Variants in MDGA2 observed in about 807,000 individuals in gnomAD.
The protein encoded by MDGA2 is MAM domain containing glycosylphosphatidylinositol anchor 2.
A neutral mutation model predicts 117.8 loss-of-function variants in MDGA2; 40 were observed. The ratio of observed to expected loss-of-function variants is 0.34; its 90% CI spans 0.26 to 0.44. MDGA2 has a LOEUF of 0.44. Among genes scored for constraint, MDGA2 ranks in the 20% least tolerant of loss-of-function variants. The probability of loss-of-function intolerance (pLI) is 1.00; values close to 1 mark genes in which losing one functional copy is unlikely to be tolerated. For missense variants in MDGA2, 1,123 were observed against 1,250.6 expected (o/e 0.90, Z 1.54); for synonymous variants, 452 against 439.0 (o/e 1.03, Z -0.37).
intron 5 of MDGA2, among the ~76,000 whole-genome samples, chr14:47,116,039 A>T (rs1464452245): frequency 6.6e-6 from 1 of 151,990 alleles, no homozygotes; most frequent in Non-Finnish European, 1.5e-5. Flanking sequence ...AAGCCCTAAA[A>T]ACTCTATGAA....
chr14:46,940,745 A>T (rs1279695220), intron 9 of MDGA2, among the ~76,000 whole-genome samples: 1 of 151,988 alleles, frequency 6.6e-6, no homozygotes, highest in Non-Finnish European at 1.5e-5. Flanking sequence ...TGATCCAGCG[A>T]CTCCCAGGCT....
At chr14:47,214,746 A>C (rs1886021721) in intron 3 of MDGA2, among the ~76,000 whole-genome samples, 1 of 152,088 alleles carries the variant, frequency 6.6e-6, no homozygotes, top group Non-Finnish European at 1.5e-5. Context: ...TTAGCACATA[A>C]TTTTATTTTA....
chr14:47,275,100 T>C (rs558166339), intron 2 of MDGA2, among the ~76,000 whole-genome samples: 69 of 152,328 alleles, frequency 4.5e-4, no homozygotes, highest in African/African-American at 1.6e-3. Flanking sequence ...GTTGTGATTA[T>C]TGCTTGTGCT....
intron 1 of MDGA2, among the ~76,000 whole-genome samples, chr14:47,484,725 G>A (rs1383031420): frequency 6.6e-6 from 1 of 152,088 alleles, no homozygotes; most frequent in East Asian, 1.9e-4. Context: ...CGTAGGGGCA[G>A]GTCTTTCCCA....
At chr14:46,854,599 T>C (rs1881189629) in intron 15 of MDGA2, among the ~76,000 whole-genome samples, 1 of 151,814 alleles carries the variant, frequency 6.6e-6, no homozygotes, top group South Asian at 2.1e-4. Context: ...ATTACTGATA[T>C]GGCATTAAAT....
At chr14:47,165,977 C>G (rs1311736954) in intron 3 of MDGA2, among the ~76,000 whole-genome samples, 1 of 151,464 alleles carries the variant, frequency 6.6e-6, no homozygotes. Context: ...CTCATATACA[C>G]CTATACACCC....
chr14:47,293,693 G>A (rs1888966390), intron 2 of MDGA2, among the ~76,000 whole-genome samples: 1 of 152,144 alleles, frequency 6.6e-6, no homozygotes, highest in African/African-American at 2.4e-5. Context: ...ATAGTATCTG[G>A]AATGAATGAG....
rs71448157 is a variant in MDGA2 at position 47,013,772 on chromosome 14, G to GTATATATATATATATATA, written c.1819+21221_1819+21238dup. ...TAGGTATGAAAACATTAATTTCCTT[G>GTATATATATATATATATA]TATATATATATATATATATATCTCC... is the stretch of plus-strand genomic sequence containing the variant. On this transcript the variant is annotated intron_variant, in intron 8 of 16. Coordinates refer to ENST00000399232, the MANE Select transcript of MDGA2 (RefSeq NM_001113498.3). 5.0e-3 allele frequency among the ~76,000 whole-genome samples: 469 copies of GTATATATATATATATATA among 93,604 alleles called. 33 individuals are homozygous for GTATATATATATATATATA. Among genetic ancestry groups the GTATATATATATATATATA allele is most frequent in the East Asian group, 9.3e-3 (17 of 1,828 alleles). 61.4% of individuals were successfully genotyped at this position (93,604 alleles called of 152,430 possible). A position where few individuals can be genotyped will look rare whatever the true frequency, so the allele number is the denominator to read the frequency against.
At chr14:47,463,235 A>G (rs898536907) in intron 1 of MDGA2, among the ~76,000 whole-genome samples, 1 of 152,168 alleles carries the variant, frequency 6.6e-6, no homozygotes, top group Admixed American at 6.5e-5. Flanking sequence ...CATTCCACTG[A>G]AAAAATTCCT....
At chr14:47,137,625 A>G (rs547337385) in intron 4 of MDGA2, among the ~76,000 whole-genome samples, 2 of 152,166 alleles carry the variant, frequency 1.3e-5, no homozygotes, top group Non-Finnish European at 2.9e-5. Flanking sequence ...ATGCCACATC[A>G]TGCTTCCTGT....
At chr14:47,360,002 G>T (rs1266200653) in intron 1 of MDGA2, among the ~76,000 whole-genome samples, 2 of 152,052 alleles carry the variant, frequency 1.3e-5, no homozygotes, top group Non-Finnish European at 2.9e-5. Flanking sequence ...ACCAAAATAT[G>T]TAAGAAATTC....
intron 10 of MDGA2, among the ~76,000 whole-genome samples, chr14:46,897,445 A>G (rs1883118455): frequency 6.6e-6 from 1 of 152,150 alleles, no homozygotes; most frequent in African/African-American, 2.4e-5. Flanking sequence ...AAATAACTAC[A>G]ACATTCTATT....
chr14:46,867,929 GTT>G (rs5808364), intron 14 of MDGA2, among the ~76,000 whole-genome samples: 13 of 149,486 alleles, frequency 8.7e-5, no homozygotes, highest in Admixed American at 2.7e-4. Flanking sequence ...TCTTCTGTCT[GTT>G]TTTTTTTTTA....
intron 9 of MDGA2, among the ~76,000 whole-genome samples, chr14:46,953,996 C>T (rs1885465374): frequency 6.6e-6 from 1 of 151,990 alleles, no homozygotes; most frequent in Admixed American, 6.6e-5. Context: ...CTGCTGGAAA[C>T]ATCTTTTCTC....
chr14:47,477,831 T>C (rs1054063042), intron 1 of MDGA2, among the ~76,000 whole-genome samples: 7 of 152,228 alleles, frequency 4.6e-5, no homozygotes, highest in African/African-American at 9.6e-5. Context: ...GATTCCCACT[T>C]ACATGTGTCA....
chr14:47,196,159 G>A (rs1885281509), intron 3 of MDGA2, among the ~76,000 whole-genome samples: 1 of 151,976 alleles, frequency 6.6e-6, no homozygotes, highest in Non-Finnish European at 1.5e-5. Flanking sequence ...TGTTTTCAGG[G>A]AAAATGGAAC....
At chr14:47,323,179 T>TGG (rs1345513077) in intron 1 of MDGA2, among the ~76,000 whole-genome samples, 1 of 75,110 alleles carries the variant, frequency 1.3e-5, no homozygotes, top group African/African-American at 4.3e-5. Flanking sequence ...TATATATATA[T>TGG]ATATATATAT....
chr14:47,617,320 T>C (rs1896964919), intron 1 of MDGA2, among the ~76,000 whole-genome samples: 1 of 151,968 alleles, frequency 6.6e-6, no homozygotes, highest in East Asian at 1.9e-4. Context: ...ATTCTCTGCC[T>C]CAGCCTCCCG....
intron 8 of MDGA2, among the ~76,000 whole-genome samples, chr14:46,974,169 C>G (rs1300749944): frequency 6.6e-6 from 1 of 151,776 alleles, no homozygotes; most frequent in Non-Finnish European, 1.5e-5. Flanking sequence ...GTTAATTTAA[C>G]CAAGGAATTA....
Sources: gnomAD v4.1 joint callset for allele counts (sites outside exome capture counted in the v4.1 genomes callset) on GRCh38, gnomAD v4.1.1 for gene constraint, MANE v1.5 for transcripts, NCBI Gene and HGNC (gene_info 2026-07-23, HGNC 2026-07-21) for gene names.